The following NPNT variants were observed in gnomAD, a reference collection of about 807,000 sequenced individuals.
NPNT encodes preosteoblast EGF-like repeat protein with MAM domain.
Under a neutral mutation model 68.6 loss-of-function variants are expected in NPNT, and 45 were observed. That is an observed-to-expected ratio of 0.66 (90% CI 0.52 to 0.84). The LOEUF is 0.84. Ranked by LOEUF, NPNT falls within the 40% of genes least tolerant of loss-of-function variation. NPNT has a pLI of 0.00. For synonymous variants in NPNT, 233 were observed against 253.3 expected, an observed-to-expected ratio of 0.92 and a Z score of 0.76; for missense variants, 672 against 714.8, an observed-to-expected ratio of 0.94 and a Z score of 0.68.
chr4:105,940,602 A>G lies in NPNT; in HGVS notation c.729A>G (p.Lys243=). Reference sequence around the variant, plus strand: ...GTGGGTCCTACAAGTGCAAATGTAAAGAAGGATACCAGGGTGATGGACTGA... The same window carrying G: ...GTGGGTCCTACAAGTGCAAATGTAAGGAAGGATACCAGGGTGATGGACTGA... ...NIRGSYKCKC[K]EGYQGDGLTC... Residue 243 remains lysine, a synonymous_variant, in exon 7 of 12, where the codon AAA becomes AAG. Coordinates refer to ENST00000379987, the MANE Select transcript of NPNT (RefSeq NM_001033047.3). The G allele has an allele frequency of 6.2e-7, 1 of 1,613,580 alleles. No individual in the cohort carries two copies. Among genetic ancestry groups the G allele is most frequent in the Non-Finnish European group, 8.5e-7 (1 of 1,179,556 alleles).
chr4:105,925,408 G>A (rs1416684755), intron 2 of NPNT, among the ~76,000 whole-genome samples: 1 of 152,078 alleles, frequency 6.6e-6, no homozygotes, highest in Non-Finnish European at 1.5e-5. Flanking sequence ...GGAAGGCCTG[G>A]AAGTAAAATT....
chr4:105,925,736 A>G (rs1490773460), intron 2 of NPNT, among the ~76,000 whole-genome samples: 1 of 152,146 alleles, frequency 6.6e-6, no homozygotes, highest in African/African-American at 2.4e-5. Context: ...TCTTCCTGTC[A>G]CCAACACAAA....
chr4:105,931,244 T>C (rs1370950560), intron 3 of NPNT, among the ~76,000 whole-genome samples: 3 of 152,178 alleles, frequency 2.0e-5, no homozygotes, highest in African/African-American at 7.2e-5. Flanking sequence ...AATATATCAC[T>C]GCATATTCTC....
chr4:105,915,126 G>A (rs1727696848), intron 2 of NPNT, among the ~76,000 whole-genome samples: 1 of 152,146 alleles, frequency 6.6e-6, no homozygotes, highest in Non-Finnish European at 1.5e-5. Flanking sequence ...TTCAAAAATC[G>A]GTAGGTCTGC....
At chr4:105,948,237 A>G (rs943387484) in intron 8 of NPNT, among the ~76,000 whole-genome samples, 7 of 152,222 alleles carry the variant, frequency 4.6e-5, no homozygotes, top group African/African-American at 1.7e-4. Flanking sequence ...AAGCATAGAA[A>G]AGGAATATGA....
At chr4:105,924,599 G>C (rs1267292844) in intron 2 of NPNT, among the ~76,000 whole-genome samples, 1 of 152,150 alleles carries the variant, frequency 6.6e-6, no homozygotes, top group African/African-American at 2.4e-5. Context: ...TGGCCTGTTG[G>C]AATGTGTGCA....
chr4:105,936,594 A>G (rs1729513121), intron 3 of NPNT, among the ~76,000 whole-genome samples: 1 of 152,274 alleles, frequency 6.6e-6, no homozygotes, highest in African/African-American at 2.4e-5. Flanking sequence ...AAACAGAGAA[A>G]GGAAGACATT....
chr4:105,955,825 TTCTCTTGAAACTTCAGTGGGATG>T (rs1376683279), intron 8 of NPNT, among the ~76,000 whole-genome samples: 2 of 152,282 alleles, frequency 1.3e-5, no homozygotes, highest in South Asian at 2.1e-4. Flanking sequence ...GTAGTTTTTT[TTCTCTTGAAACTTCAGTGGGATG>T]CTCTTAGTAA....
chr4:105,910,502 C>CAA lies in NPNT; in HGVS notation c.172+12512_172+12513dup, dbSNP rs71935556. Among the ~76,000 whole-genome samples the CAA allele has an allele frequency of 2.9e-5, 4 of 140,110 alleles. No individual in the cohort carries two copies. In the Admixed American group the frequency reaches 2.9e-4, roughly 10 times the overall value. The allele number at this position is 140,110 out of a possible 152,430, so 91.9% of individuals were successfully genotyped here. On this transcript the variant is annotated intron_variant, in intron 2 of 11. Coordinates refer to ENST00000379987, the MANE Select transcript of NPNT (RefSeq NM_001033047.3). The stretch of plus-strand genomic sequence containing the variant: ...GAATGTTTTAATGGGGTTTATACCG[C>CAA]AAAAAAAAAAAATTGTATGTAAGGC...
intron 8 of NPNT, among the ~76,000 whole-genome samples, chr4:105,955,660 G>A (rs928083517): frequency 6.6e-6 from 1 of 151,490 alleles, no homozygotes; most frequent in Non-Finnish European, 1.5e-5. Flanking sequence ...TAGCATATTG[G>A]CATATTGGTG....
At chr4:105,943,110 T>G (rs540649929) in intron 8 of NPNT, among the ~76,000 whole-genome samples, 1 of 152,312 alleles carries the variant, frequency 6.6e-6, no homozygotes, top group East Asian at 1.9e-4. Flanking sequence ...TATTAGTTAT[T>G]GGGTTCATGT....
At chr4:105,903,708 T>C (rs766883307) in intron 2 of NPNT, among the ~76,000 whole-genome samples, 1 of 152,080 alleles carries the variant, frequency 6.6e-6, no homozygotes, top group Admixed American at 6.6e-5. Flanking sequence ...GAAAGCATAC[T>C]ATATACACTG....
At chr4:105,937,844 G>A (rs1186288338) in intron 4 of NPNT, among the ~76,000 whole-genome samples, 2 of 152,030 alleles carry the variant, frequency 1.3e-5, no homozygotes, top group Non-Finnish European at 2.9e-5. Flanking sequence ...TCATTTAACT[G>A]AGTTGCATAA....
chr4:105,915,987 T>G (rs544666932), intron 2 of NPNT, among the ~76,000 whole-genome samples: 1 of 152,344 alleles, frequency 6.6e-6, no homozygotes, highest in African/African-American at 2.4e-5. Flanking sequence ...TGTTATCTAA[T>G]AGTTGTAAGT....
intron 8 of NPNT, among the ~76,000 whole-genome samples, chr4:105,952,905 T>G (rs1730941721): frequency 6.6e-6 from 1 of 152,128 alleles, no homozygotes; most frequent in Non-Finnish European, 1.5e-5. Flanking sequence ...TGGGAACCAT[T>G]GGCTTAGAAG....
chr4:105,964,671 GTTCT>G (rs1398742034), intron 10 of NPNT, among the ~76,000 whole-genome samples: 4 of 152,042 alleles, frequency 2.6e-5, no homozygotes. Context: ...TTTCTCTGAT[GTTCT>G]TTATTTTTCT....
At chr4:105,943,889 C>T (rs184985973) in intron 8 of NPNT, among the ~76,000 whole-genome samples, 7 of 152,258 alleles carry the variant, frequency 4.6e-5, no homozygotes, top group South Asian at 2.1e-4. Flanking sequence ...GCAGACCGAT[C>T]GCTTGAGCCT....
intron 1 of NPNT, chr4:105,896,070 C>T: frequency 3.3e-6 from 1 of 302,192 alleles, no homozygotes; most frequent in Non-Finnish European, 6.2e-6. Flanking sequence ...CGCGAAACAT[C>T]CCTTACCCGG....
chr4:105,952,280 G>A (rs375791846), intron 8 of NPNT, among the ~76,000 whole-genome samples: 38 of 152,232 alleles, frequency 2.5e-4, no homozygotes, highest in African/African-American at 8.4e-4. Context: ...GAGCTGTTAG[G>A]TGCACAGAGA....
Sources: gnomAD v4.1 joint callset for allele counts (sites outside exome capture counted in the v4.1 genomes callset) on GRCh38, gnomAD v4.1.1 for gene constraint, MANE v1.5 for transcripts, NCBI Gene and HGNC (gene_info 2026-07-23, HGNC 2026-07-21) for gene names.